Variants in PLEKHA5 observed in about 807,000 individuals in gnomAD.
PLEKHA5 encodes the protein pleckstrin homology domain-containing family A member 5.
In PLEKHA5, 55 loss-of-function variants were observed where a neutral mutation model predicts 181.9. That is an observed-to-expected ratio of 0.30 (90% CI 0.24 to 0.38). PLEKHA5 has a LOEUF of 0.38. Ranked by LOEUF, PLEKHA5 falls within the 10% of genes least tolerant of loss-of-function variation. PLEKHA5 has a pLI of 1.00. For synonymous variants in PLEKHA5, 535 were observed against 529.4 expected (o/e 1.01, Z -0.15); for missense variants, 1,432 against 1,549.5 (o/e 0.92, Z 1.27).
At chr12:19,235,823 A>G (rs1043885081) in intron 3 of PLEKHA5, among the ~76,000 whole-genome samples, 2 of 152,218 alleles carry the variant, frequency 1.3e-5, no homozygotes, top group Non-Finnish European at 1.5e-5. Context: ...CTTTCTTGCA[A>G]AGAAGAAAAA....
chr12:19,352,577 C>CTT (rs34607449), intron 25 of PLEKHA5, among the ~76,000 whole-genome samples: 55 of 110,106 alleles, frequency 5.0e-4, no homozygotes, highest in Admixed American at 1.5e-3. Flanking sequence ...ACAAAGAAGG[C>CTT]TTTTTTTTTT....
intron 3 of PLEKHA5, among the ~76,000 whole-genome samples, chr12:19,185,750 G>T (rs1002663019): frequency 5.9e-5 from 9 of 152,138 alleles, no homozygotes; most frequent in African/African-American, 2.2e-4. Flanking sequence ...GAATGCAAAT[G>T]ATTCGGGAGT....
chr12:19,260,248 T>G (rs2068061566), intron 6 of PLEKHA5, among the ~76,000 whole-genome samples: 1 of 152,230 alleles, frequency 6.6e-6, no homozygotes. Flanking sequence ...ATAATTTCAA[T>G]TCACATATTT....
chr12:19,180,570 A>G (rs764858163), intron 3 of PLEKHA5, among the ~76,000 whole-genome samples: 40 of 152,290 alleles, frequency 2.6e-4, no homozygotes, highest in Non-Finnish European at 5.1e-4. Flanking sequence ...TTTTTGATGC[A>G]CAAATAATTT....
At chr12:19,212,835 GTT>G (rs11290352) in intron 3 of PLEKHA5, among the ~76,000 whole-genome samples, 701 of 138,070 alleles carry the variant, frequency 5.1e-3, no homozygotes, top group Non-Finnish European at 5.7e-3. Context: ...TTTTTTTGTT[GTT>G]TTTTTTTTTT....
chr12:19,282,088 G>A (rs2076315435), intron 11 of PLEKHA5, among the ~76,000 whole-genome samples: 1 of 151,972 alleles, frequency 6.6e-6, no homozygotes, highest in African/African-American at 2.4e-5. Context: ...GGCCCAAAGT[G>A]GTTTTTTTAA....
intron 15 of PLEKHA5, chr12:19,306,762 C>T (rs2083893139): frequency 3.7e-5 from 36 of 982,056 alleles, no homozygotes; most frequent in South Asian, 2.8e-4. Flanking sequence ...CTTTGCCAAT[C>T]GCAATCTCGT....
intron 15 of PLEKHA5, among the ~76,000 whole-genome samples, chr12:19,297,193 C>T (rs1407116913): frequency 1.3e-5 from 2 of 152,044 alleles, no homozygotes; most frequent in African/African-American, 2.4e-5. Context: ...TACCAACCCC[C>T]CCAGAATTAT....
At position 19,142,174 on chromosome 12, in the gene PLEKHA5, A is replaced by G. The variant is rs528444865; in HGVS notation, c.227+9724A>G. Among the ~76,000 whole-genome samples, 30 of 152,000 alleles carry G rather than the reference A, an allele frequency of 2.0e-4. No homozygotes were observed. The South Asian group carries it at 3.1e-3, about 16-fold the overall frequency. On this transcript the variant is annotated intron_variant, in intron 3 of 31. Transcript: ENST00000429027. ...CAGGAGTTCAAGACCAGCCTACACA[A>G]CATAGTGTGACCCCCAATCTCTACA...
chr12:19,306,609 G>A lies in PLEKHA5; in HGVS notation c.2038-8205G>A, dbSNP rs1313275494. 12 of 939,058 alleles carry A rather than the reference G, an allele frequency of 1.3e-5. No individual in the cohort carries two copies. The East Asian group carries it at 2.7e-4, about 21-fold the overall frequency. 58.2% of individuals were successfully genotyped at this position (939,058 alleles called of 1,614,324 possible). On this transcript the variant is annotated intron_variant, in intron 15 of 31. Coordinates refer to ENST00000429027, the MANE Select transcript of PLEKHA5 (RefSeq NM_001256470.2). ...GGCCCTAGCGGCGGGCCCAGTAGCG[G>A]AGGTGGTGGCGGCGGTGGAGGCGGC...
At chr12:19,206,670 G>A (rs1197805703) in intron 3 of PLEKHA5, among the ~76,000 whole-genome samples, 1 of 152,018 alleles carries the variant, frequency 6.6e-6, no homozygotes, top group Non-Finnish European at 1.5e-5. Flanking sequence ...TCTTTATTTT[G>A]TGAACTTCCC....
intron 20 of PLEKHA5, among the ~76,000 whole-genome samples, chr12:19,327,793 C>T (rs1296578519): frequency 2.0e-5 from 3 of 151,814 alleles, no homozygotes; most frequent in East Asian, 1.9e-4. Flanking sequence ...TGTAAATGCC[C>T]GCTACCAAGC....
chr12:19,236,197 G>T (rs1188707664), intron 3 of PLEKHA5, among the ~76,000 whole-genome samples: 1 of 152,188 alleles, frequency 6.6e-6, no homozygotes, highest in Non-Finnish European at 1.5e-5. Flanking sequence ...TCACCACGAT[G>T]TTAACAACTC....
intron 3 of PLEKHA5, among the ~76,000 whole-genome samples, chr12:19,226,877 T>C (rs1311640731): frequency 6.6e-6 from 1 of 152,194 alleles, no homozygotes; most frequent in Non-Finnish European, 1.5e-5. Context: ...TTTGAAATAT[T>C]TAGCCAATTT....
chr12:19,366,040 G>A lies in PLEKHA5; in HGVS notation c.3685G>A (p.Glu1229Lys), dbSNP rs376373462. 9.9e-6 allele frequency: 16 copies of A among 1,610,722 alleles called. No homozygotes were observed. The highest frequency in any genetic ancestry group is 2.7e-5 in the African/African-American group (2 of 74,808). Residue 1229 changes from glutamate to lysine, a missense_variant, in exon 30 of 32, where the codon GAA becomes AAA. Glu to Lys is a moderately conservative substitution (Grantham distance 56, BLOSUM62 1). Coordinates refer to ENST00000429027, the MANE Select transcript of PLEKHA5 (RefSeq NM_001256470.2). ...AGAAAATACAAAGAACAGTGTTGAC[G>A]AACAGGAAGAAACTGTTATTTCTTA... ...PEENTKNSVD[E>K]QEETVISYES...
chr12:19,205,000 T>G (rs182873850), intron 3 of PLEKHA5, among the ~76,000 whole-genome samples: 222 of 152,274 alleles, frequency 1.5e-3, no homozygotes, highest in African/African-American at 5.0e-3. Context: ...ATTTTGGGAT[T>G]CTTATGTTGA....
At position 19,300,666 on chromosome 12, in the gene PLEKHA5, C is replaced by G. The variant is rs1211254219; in HGVS notation, c.2037+8969C>G. 2.0e-5 allele frequency among the ~76,000 whole-genome samples: 3 copies of G among 152,016 alleles called. No individual in the cohort carries two copies. In the East Asian group the frequency reaches 5.8e-4, roughly 29 times the overall value. On this transcript the variant is annotated intron_variant, in intron 15 of 31. Coordinates refer to ENST00000429027, the MANE Select transcript of PLEKHA5 (RefSeq NM_001256470.2). ...AGGAAATGAGGTTGAGTATAAATGC[C>G]AAAAACATTTCTAAAATTGACCTAA...
At chr12:19,275,197 T>G (rs1405139579) in intron 11 of PLEKHA5, among the ~76,000 whole-genome samples, 1 of 152,184 alleles carries the variant, frequency 6.6e-6, no homozygotes, top group Non-Finnish European at 1.5e-5. Context: ...CAAGGAGTCA[T>G]CCTTCCTGGC....
chr12:19,310,609 C>CAAAAAAA, intron 15 of PLEKHA5, among the ~76,000 whole-genome samples: 1 of 111,956 alleles, frequency 8.9e-6, no homozygotes, highest in Non-Finnish European at 1.7e-5. Flanking sequence ...GACTCCCTCT[C>CAAAAAAA]AAAAAAAAAA....
Sources: allele counts gnomAD v4.1 joint callset (sites outside exome capture counted in the v4.1 genomes callset), GRCh38; gene constraint gnomAD v4.1.1; transcripts MANE v1.5; gene names NCBI Gene and HGNC (gene_info 2026-07-23, HGNC 2026-07-21).